Variants in NEDD4L observed in about 807,000 individuals in gnomAD.
NEDD4L encodes the protein NEDD4 like E3 ubiquitin protein ligase, also known as E3 ubiquitin-protein ligase NEDD4-like.
A neutral mutation model predicts 148.9 loss-of-function variants in NEDD4L; 54 were observed. The ratio of observed to expected loss-of-function variants is 0.36; its 90% CI spans 0.29 to 0.45. NEDD4L has a LOEUF of 0.45. Among genes scored for constraint, NEDD4L ranks in the 20% least tolerant of loss-of-function variants. The pLI is 1.00. For synonymous variants in NEDD4L, 433 were observed against 440.7 expected, an observed-to-expected ratio of 0.98 and a Z score of 0.22; for missense variants, 856 against 1,233.8, an observed-to-expected ratio of 0.69 and a Z score of 4.59.
At chr18:58,052,214 A>T (rs926749597) in intron 1 of NEDD4L, among the ~76,000 whole-genome samples, 1 of 152,198 alleles carries the variant, frequency 6.6e-6, no homozygotes, top group African/African-American at 2.4e-5. Context: ...CTGGTGTTTG[A>T]TTAGCAGAGA....
chr18:58,345,742 T>C (rs1480662156), intron 16 of NEDD4L, among the ~76,000 whole-genome samples: 1 of 152,042 alleles, frequency 6.6e-6, no homozygotes, highest in Non-Finnish European at 1.5e-5. Context: ...TTTTTTTTAA[T>C]TATTATTTTT....
intron 24 of NEDD4L, among the ~76,000 whole-genome samples, chr18:58,378,135 T>C (rs2047816727): frequency 6.6e-6 from 1 of 152,240 alleles, no homozygotes; most frequent in East Asian, 1.9e-4. Flanking sequence ...ATAGGAAGGT[T>C]CTTTAGGATC....
At chr18:58,057,171 C>T (rs1225154028) in intron 1 of NEDD4L, among the ~76,000 whole-genome samples, 1 of 152,070 alleles carries the variant, frequency 6.6e-6, no homozygotes, top group Non-Finnish European at 1.5e-5. Context: ...AATGCACATG[C>T]TCCCTTTCTC....
chr18:58,219,453 G>A (rs2043496543), intron 2 of NEDD4L, among the ~76,000 whole-genome samples: 1 of 152,202 alleles, frequency 6.6e-6, no homozygotes, highest in Non-Finnish European at 1.5e-5. Context: ...TGTTGTGATT[G>A]TTTGCCAGGG....
intron 4 of NEDD4L, among the ~76,000 whole-genome samples, chr18:58,251,681 G>T (rs1273942344): frequency 6.6e-6 from 1 of 151,980 alleles, no homozygotes; most frequent in Non-Finnish European, 1.5e-5. Flanking sequence ...GACATTTTTT[G>T]ATCTACAGTC....
intron 1 of NEDD4L, among the ~76,000 whole-genome samples, chr18:58,053,046 G>A (rs543222399): frequency 6.6e-6 from 1 of 152,304 alleles, no homozygotes; most frequent in East Asian, 1.9e-4. Context: ...CCATGAAGAG[G>A]ATGAACAAAC....
At chr18:58,314,734 A>G (rs757956099) in intron 5 of NEDD4L, 22 of 152,242 alleles carry the variant, frequency 1.4e-4, no homozygotes, top group Non-Finnish European at 2.6e-4. Context: ...CTCATTCTTC[A>G]TGCATACCCA....
intron 1 of NEDD4L, among the ~76,000 whole-genome samples, chr18:58,145,089 C>T (rs1599084466): frequency 6.6e-6 from 1 of 152,172 alleles, no homozygotes; most frequent in Non-Finnish European, 1.5e-5. Context: ...GCTGATACTA[C>T]CTCTGCAGTG....
intron 2 of NEDD4L, among the ~76,000 whole-genome samples, chr18:58,196,265 CT>C (rs1471122071): frequency 1.8e-4 from 28 of 152,222 alleles, no homozygotes; most frequent in African/African-American, 6.3e-4. Context: ...AATCAGCCAG[CT>C]CGTGATGGGA....
intron 3 of NEDD4L, among the ~76,000 whole-genome samples, chr18:58,246,084 C>A (rs919478414): frequency 9.9e-5 from 15 of 151,882 alleles, no homozygotes; most frequent in African/African-American, 3.1e-4. Context: ...CAGTACTAAC[C>A]CAAGATAGTG....
intron 5 of NEDD4L, among the ~76,000 whole-genome samples, chr18:58,263,148 A>G (rs572079538): frequency 1.3e-5 from 2 of 152,276 alleles, no homozygotes; most frequent in Non-Finnish European, 2.9e-5. Context: ...GAAACTTTGT[A>G]TTGGTTCCCT....
rs192453741 is a variant in NEDD4L, at chr18:58,083,094, C to T, written c.48+38386C>T. Among the ~76,000 whole-genome samples, 101 of 152,142 alleles carry T rather than the reference C, an allele frequency of 6.6e-4. No homozygotes were observed. In the East Asian group the frequency reaches 0.013, roughly 20 times the overall value. On this transcript the variant is annotated intron_variant, in intron 1 of 30. Coordinates refer to ENST00000400345, the MANE Select transcript of NEDD4L (RefSeq NM_001144967.3). The stretch of plus-strand genomic sequence containing the variant: ...TAGAGAGGGTACCTGTTTTGTTAAC[C>T]GGTGGCTTAATACCATTTAATACCA...
intron 2 of NEDD4L, among the ~76,000 whole-genome samples, chr18:58,232,254 T>G (rs538209730): frequency 2.6e-5 from 4 of 152,288 alleles, no homozygotes; most frequent in Admixed American, 2.0e-4. Context: ...CAATATCCAG[T>G]CTAACACACA....
At chr18:58,237,217 T>A (rs2046138685) in intron 2 of NEDD4L, among the ~76,000 whole-genome samples, 1 of 152,074 alleles carries the variant, frequency 6.6e-6, no homozygotes. Flanking sequence ...TTACCTCTAT[T>A]CCCCGCCCCC....
At chr18:58,291,262 A>C (rs2054713047) in intron 5 of NEDD4L, among the ~76,000 whole-genome samples, 1 of 152,242 alleles carries the variant, frequency 6.6e-6, no homozygotes, top group South Asian at 2.1e-4. Context: ...TGAAGTTTGC[A>C]CTGGAGCTTT....
At chr18:58,070,028 A>G (rs2082785766) in intron 1 of NEDD4L, among the ~76,000 whole-genome samples, 1 of 152,214 alleles carries the variant, frequency 6.6e-6, no homozygotes, top group Admixed American at 6.5e-5. Flanking sequence ...TTGAAGGACC[A>G]TCCTCAAAGA....
rs1160840546 is a variant in NEDD4L, at chr18:58,366,228, C to T, written c.2063C>T (p.Thr688Met). 1.9e-6 allele frequency: 3 copies of T among 1,591,572 alleles called. No homozygotes were observed. The highest frequency in any genetic ancestry group is 2.6e-6 in the Non-Finnish European group (3 of 1,165,852). The change falls in exon 21 of 31, where the codon ACG becomes ATG. Residue 688 changes from threonine (T) to methionine (M), a missense_variant and splice_region_variant. Physicochemically the swap from Thr to Met is moderately conservative, Grantham distance 81. Coordinates refer to ENST00000400345, the MANE Select transcript of NEDD4L (RefSeq NM_001144967.3). This position sits in a 1 kb window ranked among gnomAD's most constrained non-coding sequence, Gnocchi z 4.2. ...TACGGCCTCTTTGAGTACTCTGCCACGTAAGTATATGGCCACACCCAGTGT... is the reference window on the plus strand; with the variant it reads ...TACGGCCTCTTTGAGTACTCTGCCATGTAAGTATATGGCCACACCCAGTGT... ...PYYGLFEYSA[T>M]DNYTLQINPN...
intron 1 of NEDD4L, among the ~76,000 whole-genome samples, chr18:58,077,326 C>A (rs2145026884): frequency 6.6e-6 from 1 of 151,928 alleles, no homozygotes; most frequent in East Asian, 1.9e-4. Flanking sequence ...ACTACCATGC[C>A]CAGCTAATTT....
intron 5 of NEDD4L, among the ~76,000 whole-genome samples, chr18:58,301,788 T>G (rs1200660380): frequency 6.6e-6 from 1 of 152,206 alleles, no homozygotes; most frequent in African/African-American, 2.4e-5. Flanking sequence ...TGGAGTTGAA[T>G]GCAGAATACC....
Sources: gnomAD v4.1 joint callset for allele counts (sites outside exome capture counted in the v4.1 genomes callset) on GRCh38, gnomAD v4.1.1 for gene constraint, Gnocchi (gnomAD v3.1) non-coding constraint, MANE v1.5 for transcripts, NCBI Gene and HGNC (gene_info 2026-07-23, HGNC 2026-07-21) for gene names.